OPCML: variants seen among roughly 807,000 people sequenced by gnomAD.
OPCML encodes opioid binding protein/cell adhesion molecule like.
Under a neutral mutation model 37.8 loss-of-function variants are expected in OPCML, and 13 were observed. That is an observed-to-expected ratio of 0.34 (90% CI 0.22 to 0.55). The LOEUF is 0.55. Ranked by LOEUF, OPCML falls within the 20% of genes least tolerant of loss-of-function variation. The probability of loss-of-function intolerance (pLI) is 0.91; values close to 1 mark genes in which losing one functional copy is unlikely to be tolerated. For synonymous variants in OPCML, 176 were observed against 168.8 expected (o/e 1.04, Z -0.33); for missense variants, 341 against 435.6 (o/e 0.78, Z 1.93).
chr11:133,115,219 A>G (rs1380549660), intron 1 of OPCML, among the ~76,000 whole-genome samples: 1 of 152,202 alleles, frequency 6.6e-6, no homozygotes, highest in Non-Finnish European at 1.5e-5. Context: ...AAGGGAATTT[A>G]CCACCTTGGT....
chr11:132,467,793 G>A (rs566415811), intron 4 of OPCML, among the ~76,000 whole-genome samples: 1 of 152,282 alleles, frequency 6.6e-6, no homozygotes, highest in African/African-American at 2.4e-5. Context: ...ACAAATCTTA[G>A]TGATAATGGT....
At chr11:132,624,209 C>T (rs1192489866) in intron 3 of OPCML, among the ~76,000 whole-genome samples, 1 of 152,168 alleles carries the variant, frequency 6.6e-6, no homozygotes, top group Non-Finnish European at 1.5e-5. Context: ...ATAAAGGCAA[C>T]TGTAGGCAAA....
intron 2 of OPCML, among the ~76,000 whole-genome samples, chr11:132,746,454 T>TC (rs1486345520): frequency 2.0e-5 from 3 of 151,904 alleles, no homozygotes; most frequent in African/African-American, 7.3e-5. Flanking sequence ...TACCCACTCC[T>TC]CCCCCCACCT....
intron 1 of OPCML, among the ~76,000 whole-genome samples, chr11:133,093,390 C>T (rs1424322731): frequency 6.6e-6 from 1 of 151,998 alleles, no homozygotes; most frequent in Non-Finnish European, 1.5e-5. Context: ...TTTGCTGCAC[C>T]TATCAATCCA....
At chr11:132,907,390 T>C (rs1243088559) in intron 2 of OPCML, among the ~76,000 whole-genome samples, 1 of 152,106 alleles carries the variant, frequency 6.6e-6, no homozygotes, top group African/African-American at 2.4e-5. Flanking sequence ...CCCAGCACTT[T>C]GGGAGGCCGA....
At chr11:132,778,961 CTTTTTTTTTTTTT>C (rs10657036) in intron 2 of OPCML, among the ~76,000 whole-genome samples, 563 of 87,946 alleles carry the variant, frequency 6.4e-3, no homozygotes, top group Middle Eastern at 0.02. Context: ...TGGTATATTT[CTTTTTTTTTTTTT>C]TTTTTTTTTT....
intron 4 of OPCML, among the ~76,000 whole-genome samples, chr11:132,485,773 C>T (rs2096197911): frequency 6.6e-6 from 1 of 152,156 alleles, no homozygotes; most frequent in African/African-American, 2.4e-5. Context: ...TGGATGAATA[C>T]AGCATCATTT....
intron 2 of OPCML, among the ~76,000 whole-genome samples, chr11:132,844,134 C>T (rs1230942654): frequency 1.3e-5 from 2 of 152,198 alleles, no homozygotes; most frequent in Non-Finnish European, 2.9e-5. Flanking sequence ...TGACTTGCTC[C>T]TCCTTGCCTT....
At chr11:132,853,249 T>C (rs116054997) in intron 2 of OPCML, among the ~76,000 whole-genome samples, 179 of 152,346 alleles carry the variant, frequency 1.2e-3, no homozygotes, top group African/African-American at 4.0e-3. Context: ...TCACCATGAC[T>C]TGACGGCTTT....
intron 4 of OPCML, among the ~76,000 whole-genome samples, chr11:132,446,611 T>C (rs1592187578): frequency 6.6e-6 from 1 of 152,212 alleles, no homozygotes; most frequent in African/African-American, 2.4e-5. Context: ...ACAAAATGTT[T>C]AAGTACACTT....
In OPCML at chr11:132,420,207, A is replaced by G. The variant is rs1265191396; in HGVS notation, c.1003T>C (p.Phe335Leu). ...WLSGTLLAHF[F>L]IKF ...AGGATTTCTTATCAAAACTTGATGA[A>G]GAAGTGGGCTAAGAGGGTCCCTGAT... Residue 335 changes from phenylalanine to leucine, a missense_variant, in exon 8 of 8, where the codon TTC (phenylalanine) becomes CTC (leucine). Transcript: ENST00000524381. The G allele has an allele frequency of 6.2e-7, 1 of 1,613,820 alleles. No homozygotes were observed. The highest frequency in any genetic ancestry group is 2.2e-5 in the East Asian group (1 of 44,878).
chr11:133,531,657 G>C (rs1399306691), intron 1 of OPCML, among the ~76,000 whole-genome samples: 2 of 151,876 alleles, frequency 1.3e-5, no homozygotes, highest in African/African-American at 4.8e-5. Flanking sequence ...GGAGGGATGG[G>C]GCAGGGAAGG....
At chr11:133,499,467 G>A (rs565619700) in intron 1 of OPCML, among the ~76,000 whole-genome samples, 42 of 152,074 alleles carry the variant, frequency 2.8e-4, no homozygotes, top group Non-Finnish European at 5.1e-4. Flanking sequence ...CTCCTGTGGG[G>A]GAGAAATGGA....
At chr11:132,649,029 G>A (rs1941297850) in intron 3 of OPCML, among the ~76,000 whole-genome samples, 1 of 152,122 alleles carries the variant, frequency 6.6e-6, no homozygotes, top group African/African-American at 2.4e-5. Flanking sequence ...GGAGGAAATA[G>A]CCATAAACCC....
intron 2 of OPCML, among the ~76,000 whole-genome samples, chr11:132,730,455 T>A (rs999033008): frequency 1.1e-4 from 17 of 152,174 alleles, no homozygotes; most frequent in African/African-American, 3.6e-4. Flanking sequence ...AAAATAGCTC[T>A]GATCCTCCCT....
At chr11:132,651,757 G>T (rs549105992) in intron 3 of OPCML, among the ~76,000 whole-genome samples, 1 of 152,320 alleles carries the variant, frequency 6.6e-6, no homozygotes, top group South Asian at 2.1e-4. Flanking sequence ...ACTGACACCA[G>T]GCTAAGAGAT....
chr11:133,209,370 C>T (rs775261053), intron 1 of OPCML, among the ~76,000 whole-genome samples: 25 of 152,132 alleles, frequency 1.6e-4, no homozygotes, highest in Non-Finnish European at 3.5e-4. Flanking sequence ...TCACATCACA[C>T]ATAAGAAAAG....
intron 2 of OPCML, among the ~76,000 whole-genome samples, chr11:132,919,161 G>GA (rs1240571178): frequency 1.3e-5 from 2 of 152,174 alleles, no homozygotes. Flanking sequence ...TTTGGTCCTT[G>GA]AAAAGAGACT....
At chr11:132,670,256 G>A (rs1363901741) in intron 2 of OPCML, among the ~76,000 whole-genome samples, 1 of 152,088 alleles carries the variant, frequency 6.6e-6, no homozygotes, top group Non-Finnish European at 1.5e-5. Flanking sequence ...GAAGAATGGC[G>A]CAAGTCAGCC....
Sources: allele counts gnomAD v4.1 joint callset (sites outside exome capture counted in the v4.1 genomes callset), GRCh38; gene constraint gnomAD v4.1.1; transcripts MANE v1.5; gene names NCBI Gene and HGNC (gene_info 2026-07-23, HGNC 2026-07-21).